Variants in SDHAF2 observed in about 807,000 individuals in gnomAD.
The protein encoded by SDHAF2 is succinate dehydrogenase complex assembly factor 2, also known as succinate dehydrogenase assembly factor 2, mitochondrial.
In SDHAF2, 21 loss-of-function variants were observed where a neutral mutation model predicts 18.5. The observed-to-expected ratio is 1.13, with a 90% CI of 0.80 to 1.63. The LOEUF (loss-of-function observed/expected upper bound fraction) is 1.63. Among genes scored for constraint, SDHAF2 ranks in the 40% most tolerant of loss-of-function variants. The pLI, the probability that SDHAF2 is intolerant of heterozygous loss-of-function variation, is 0.00. For missense variants in SDHAF2, 195 were observed against 200.3 expected, an observed-to-expected ratio of 0.97 and a Z score of 0.16; for synonymous variants, 84 against 70.7, an observed-to-expected ratio of 1.19 and a Z score of -0.94.
intron 3 of SDHAF2, among the ~76,000 whole-genome samples, chr11:61,444,842 G>A (rs1333671723): frequency 6.6e-6 from 1 of 152,208 alleles, no homozygotes; most frequent in African/African-American, 2.4e-5. Flanking sequence ...CAAGTGCATG[G>A]CTCTCGTTTC....
Position 61,446,523 on chromosome 11 carries a change from T to G in SDHAF2, c.*452T>G, listed in dbSNP as rs1357566517. On this transcript the variant is annotated 3_prime_UTR_variant, in exon 4 of 4. Coordinates refer to ENST00000301761, the MANE Select transcript of SDHAF2 (RefSeq NM_017841.4). ...CTTTGTTGAAGTGGAACTCCCCACT[T>G]CCAACCTGGTATGGCTCCTTCTGCG... 1 of 489,588 alleles carries G rather than the reference T, an allele frequency of 2.0e-6. No individual in the cohort carries two copies. Among genetic ancestry groups the G allele is most frequent in the Non-Finnish European group, 3.6e-6 (1 of 279,652 alleles). The allele number at this position is 489,588 out of a possible 1,614,324, so 30.3% of individuals were successfully genotyped here.
intron 3 of SDHAF2, among the ~76,000 whole-genome samples, chr11:61,440,644 G>A (rs565329050): frequency 6.6e-6 from 1 of 152,164 alleles, no homozygotes; most frequent in South Asian, 2.1e-4. Context: ...TTCTGTAATA[G>A]GTAAATATAG....
intron 3 of SDHAF2, among the ~76,000 whole-genome samples, chr11:61,440,136 A>G (rs1044583274): frequency 6.6e-6 from 1 of 151,504 alleles, no homozygotes; most frequent in African/African-American, 2.4e-5. Context: ...CCAGCATGAC[A>G]ATACCCCGTC....
chr11:61,441,370 A>G (rs1862063360), intron 3 of SDHAF2, among the ~76,000 whole-genome samples: 1 of 152,050 alleles, frequency 6.6e-6, no homozygotes, highest in South Asian at 2.1e-4. Context: ...GTCTCTACTA[A>G]AAATACTGGG....
chr11:61,445,341 C>T (rs971913823), intron 3 of SDHAF2, among the ~76,000 whole-genome samples: 3 of 152,166 alleles, frequency 2.0e-5, no homozygotes, highest in African/African-American at 4.8e-5. Context: ...CTATGTTGCC[C>T]GTTCACTGAA....
At position 61,437,979 on chromosome 11, in the gene SDHAF2, TTC is replaced by T. The variant is rs1862014821; in HGVS notation, c.261-23_261-22del. ...TAGACACAGCCTTCTCAACCTCTTTTTCTTTTTTTCTTTCTTGTTTTTAGTCT... is the reference window on the plus strand; with the variant it reads ...TAGACACAGCCTTCTCAACCTCTTTTTTTTTTTCTTTCTTGTTTTTAGTCT... On this transcript the variant is annotated intron_variant, in intron 2 of 3. Coordinates refer to ENST00000301761, the MANE Select transcript of SDHAF2 (RefSeq NM_017841.4). The T allele has an allele frequency of 1.9e-6, 3 of 1,608,232 alleles. No homozygotes were observed. The African/African-American group carries it at 4.0e-5, about 22-fold the overall frequency.
rs17702 is a variant in SDHAF2 at position 61,446,448 on chromosome 11, T to C, written c.*377T>C. On this transcript the variant is annotated 3_prime_UTR_variant, in exon 4 of 4. Transcript: ENST00000301761. ...GAGGCAGCCAGCTGTGCGTGCTGTA[T>C]GGAAAGCCTCCCGCCCTCCCTGCAG... The C allele has an allele frequency of 0.87, 485,678 of 560,182 alleles. 211,053 individuals are homozygous for C. The highest frequency in any genetic ancestry group is 0.98 in the East Asian group (34,060 of 34,900). 34.7% of individuals were successfully genotyped at this position (560,182 alleles called of 1,614,324 possible).
intron 3 of SDHAF2, among the ~76,000 whole-genome samples, chr11:61,443,990 G>T (rs1862104378): frequency 6.6e-6 from 1 of 152,142 alleles, no homozygotes; most frequent in Admixed American, 6.5e-5. Context: ...AGCCAGGATG[G>T]TCTTGATCTC....
chr11:61,432,756 A>T (rs1861948200), intron 1 of SDHAF2: 1 of 151,964 alleles, frequency 6.6e-6, no homozygotes, highest in Non-Finnish European at 1.5e-5. Flanking sequence ...TGTGTCTTAC[A>T]CAGGTATTTC....
intron 1 of SDHAF2, chr11:61,434,591 C>CTTTTTTTTTTT (rs549764688): frequency 1.7e-5 from 2 of 118,998 alleles, no homozygotes; most frequent in African/African-American, 7.5e-5. Context: ...CTTCTCATTC[C>CTTTTTTTTTTT]TTTTTTTTTT....
chr11:61,436,687 C>T, intron 1 of SDHAF2: 1 of 379,464 alleles, frequency 2.6e-6, no homozygotes, highest in Non-Finnish European at 5.2e-6. Flanking sequence ...AATTTTTCTG[C>T]TGGATTCGAT....
Position 61,446,129 on chromosome 11 carries a change from G to A in SDHAF2, c.*58G>A, listed in dbSNP as rs754124809. The A allele has an allele frequency of 7.0e-5, 112 of 1,604,876 alleles. No homozygotes were observed. The highest frequency in any genetic ancestry group is 9.4e-5 in the Non-Finnish European group (110 of 1,172,892). ...TCTGTGGATGGTAACTACTTATGAT[G>A]GACGTTAGCCTTGCTTCCGGCTTCT... On this transcript the variant is annotated 3_prime_UTR_variant, in exon 4 of 4. Coordinates refer to ENST00000301761, the MANE Select transcript of SDHAF2 (RefSeq NM_017841.4).
chr11:61,446,409 G>A lies in SDHAF2; in HGVS notation c.*338G>A. ...GCTTGCTCATTGCCTCAGCCCAAGT[G>A]TACTCAAAGAAAAGAGGCAGCCAGC... On this transcript the variant is annotated 3_prime_UTR_variant, in exon 4 of 4. Transcript: ENST00000301761. The A allele has an allele frequency of 5.2e-6, 3 of 579,226 alleles. No individual in the cohort carries two copies. Among genetic ancestry groups the A allele is most frequent in the Non-Finnish European group, 9.2e-6 (3 of 327,170 alleles). The allele number at this position is 579,226 out of a possible 1,614,324, so 35.9% of individuals were successfully genotyped here.
intron 2 of SDHAF2, 64 bp from the exon 3 acceptor site, chr11:61,437,940 C>A: frequency 6.4e-7 from 1 of 1,567,966 alleles, no homozygotes; most frequent in South Asian, 1.1e-5. Flanking sequence ...GTCTTGGTGT[C>A]ACTTCTCTTT....
intron 1 of SDHAF2, chr11:61,435,680 G>A (rs989640804): frequency 1.3e-5 from 2 of 152,102 alleles, no homozygotes; most frequent in African/African-American, 2.4e-5. Flanking sequence ...GCTCCCTCTA[G>A]TGTCTGCGTA....
Position 61,445,177 on chromosome 11 carries a change from A to C in SDHAF2, c.371-764A>C, listed in dbSNP as rs72914210. Among the ~76,000 whole-genome samples, 450 of 152,292 alleles carry C rather than the reference A, an allele frequency of 3.0e-3. 1 individual carries two copies. The highest frequency in any genetic ancestry group is 5.4e-3 in the Non-Finnish European group (365 of 68,024). On this transcript the variant is annotated intron_variant, in intron 3 of 3. Transcript: ENST00000301761. ...GTTGGTGGAAGGGTAATTCTGGAGC[A>C]CATTGCCTCGGCTTTGGCAGTGGGA...
rs747508289 is a variant in SDHAF2 at position 61,437,710 on chromosome 11, C to T, written c.122C>T (p.Thr41Ile). Residue 41 changes from threonine to isoleucine, a missense_variant, in exon 2 of 4, where the codon ACA becomes ATA. Physicochemically the swap from Thr to Ile is moderately conservative, Grantham distance 89 (BLOSUM62 -1). Transcript: ENST00000301761. ...FRRFYRGDSPTDSQKDMIEIP... is the reference protein window; with the variant it reads ...FRRFYRGDSPIDSQKDMIEIP... The stretch of plus-strand genomic sequence containing the variant: ...CGCTTCTACAGAGGTGACAGCCCAA[C>T]AGATTCCCAAAAGGACATGATTGAA... 2.5e-6 allele frequency: 4 copies of T among 1,614,200 alleles called. No individual in the cohort carries two copies. The highest frequency in any genetic ancestry group is 1.7e-5 in the Admixed American group (1 of 60,032).
In SDHAF2 at chr11:61,438,021, A is replaced by T. The variant is rs1292596542; in HGVS notation, c.278A>T (p.His93Leu). The change falls in exon 3 of 4, where the codon CAT becomes CTT. Residue 93 changes from histidine to leucine, a missense_variant. Coordinates refer to ENST00000301761, the MANE Select transcript of SDHAF2 (RefSeq NM_017841.4). ...CILLSLFAKE[H>L]LQHMTEKQLN... ...GTTTTTAGTCTTTTTGCTAAAGAAC[A>T]TCTGCAGCACATGACAGAAAAGCAG... 6.2e-7 allele frequency: 1 copy of T among 1,613,870 alleles called. No individual in the cohort carries two copies. Among genetic ancestry groups the T allele is most frequent in the African/African-American group, 1.3e-5 (1 of 74,884 alleles).
In SDHAF2 at chr11:61,438,052, C is replaced by A. The variant is rs184314049; in HGVS notation, c.309C>A (p.Asn103Lys). 1 of 1,614,062 alleles carries A rather than the reference C, an allele frequency of 6.2e-7. No homozygotes were observed. The change falls in exon 3 of 4, where the codon AAC (asparagine) becomes AAA (lysine). Residue 103 changes from asparagine to lysine, a missense_variant. By Grantham distance (94) the Asn-to-Lys change is moderately conservative. Coordinates refer to ENST00000301761, the MANE Select transcript of SDHAF2 (RefSeq NM_017841.4). ...HLQHMTEKQL[N>K]LYDRLINEPS... ...AGCACATGACAGAAAAGCAGCTGAA[C>A]CTCTATGACCGCCTGATTAACGAGC...
Sources: gnomAD v4.1 joint callset for allele counts (sites outside exome capture counted in the v4.1 genomes callset) on GRCh38, gnomAD v4.1.1 for gene constraint, MANE v1.5 for transcripts, NCBI Gene and HGNC (gene_info 2026-07-23, HGNC 2026-07-21) for gene names.